Variants in SORCS2 observed in about 807,000 individuals in gnomAD.
The protein encoded by SORCS2 is sortilin related VPS10 domain containing receptor 2, also known as VPS10 domain-containing receptor SorCS2.
A neutral mutation model predicts 141.6 loss-of-function variants in SORCS2; 100 were observed. The ratio of observed to expected loss-of-function variants is 0.71; its 90% CI spans 0.60 to 0.83. The LOEUF (loss-of-function observed/expected upper bound fraction) is 0.83, where lower values mean the gene tolerates loss of function less well. Among genes scored for constraint, SORCS2 ranks in the 40% least tolerant of loss-of-function variants. SORCS2 has a pLI of 0.00. For synonymous variants in SORCS2, 789 were observed against 676.9 expected (o/e 1.17, Z -2.57); for missense variants, 1,646 against 1,560.2 (o/e 1.05, Z -0.93).
chr4:7,731,328 G>C (rs952980104), intron 23 of SORCS2, among the ~76,000 whole-genome samples: 1 of 152,094 alleles, frequency 6.6e-6, no homozygotes, highest in African/African-American at 2.4e-5. Context: ...GACACAAATC[G>C]ACGGAAAGAT....
intron 1 of SORCS2, among the ~76,000 whole-genome samples, chr4:7,330,835 C>A (rs538225732): frequency 6.6e-6 from 1 of 150,812 alleles, no homozygotes; most frequent in South Asian, 2.1e-4. Context: ...CTAGGCACAC[C>A]CCCAACACCT....
chr4:7,741,835 C>T lies in SORCS2; in HGVS notation c.*1571C>T, dbSNP rs1264089076. On this transcript the variant is annotated 3_prime_UTR_variant, in exon 27 of 27. Transcript: ENST00000507866. ...TGCCTCATTTCCCCTGGAAAAGAAA[C>T]ATGGTCCATTAGAGGGGAAAGCCCA... 3 of 145,858 alleles carry T rather than the reference C, an allele frequency of 2.1e-5. No individual in the cohort carries two copies. Among genetic ancestry groups the T allele is most frequent in the Non-Finnish European group, 4.5e-5 (3 of 66,592 alleles). 9.0% of individuals were successfully genotyped at this position (145,858 alleles called of 1,614,324 possible).
intron 2 of SORCS2, among the ~76,000 whole-genome samples, chr4:7,530,650 A>G (rs1711562821): frequency 1.3e-5 from 2 of 152,244 alleles, no homozygotes; most frequent in South Asian, 4.1e-4. Context: ...TGATGATAAG[A>G]GGTGTTGGTT....
intron 1 of SORCS2, among the ~76,000 whole-genome samples, chr4:7,391,290 C>A (rs1046880028): frequency 6.6e-6 from 1 of 152,242 alleles, no homozygotes. Context: ...TTCCTCTGAG[C>A]CAGCCCCCTT....
At chr4:7,335,179 G>A (rs1560200838) in intron 1 of SORCS2, among the ~76,000 whole-genome samples, 1 of 152,174 alleles carries the variant, frequency 6.6e-6, no homozygotes, top group South Asian at 2.1e-4. Flanking sequence ...GAGTATCCTC[G>A]TCCGGGGCAC....
At chr4:7,676,899 TCTCTCTCCCTCTCTCCCTCTCTCC>T (rs202167356) in intron 9 of SORCS2, among the ~76,000 whole-genome samples, 68 of 32,388 alleles carry the variant, frequency 2.1e-3, no homozygotes, top group Middle Eastern at 0.024. Context: ...GGCCTCTCTC[TCTCTCTCCCTCTCTCCCTCTCTCC>T]CTCTCTCCCT....
At chr4:7,626,370 A>G (rs965607276) in intron 3 of SORCS2, among the ~76,000 whole-genome samples, 2 of 152,218 alleles carry the variant, frequency 1.3e-5, no homozygotes, top group African/African-American at 4.8e-5. Flanking sequence ...TTGACTTAAC[A>G]AAAATGTATT....
chr4:7,356,133 A>G (rs1198858557), intron 1 of SORCS2, among the ~76,000 whole-genome samples: 2 of 152,250 alleles, frequency 1.3e-5, no homozygotes, highest in African/African-American at 2.4e-5. Context: ...ATCATCTGTC[A>G]GAGAGGCTCT....
intron 1 of SORCS2, among the ~76,000 whole-genome samples, chr4:7,241,376 C>A (rs927478405): frequency 3.9e-5 from 6 of 152,132 alleles, no homozygotes; most frequent in African/African-American, 1.4e-4. Context: ...GACATGGGCC[C>A]CGGTTGTTGT....
intron 2 of SORCS2, among the ~76,000 whole-genome samples, chr4:7,460,985 T>C (rs901000912): frequency 5.9e-5 from 9 of 152,082 alleles, no homozygotes; most frequent in Non-Finnish European, 1.0e-4. Flanking sequence ...TCCATCATCC[T>C]CGTGCTGCTC....
intron 1 of SORCS2, among the ~76,000 whole-genome samples, chr4:7,221,348 T>C (rs1728695431): frequency 6.6e-6 from 1 of 152,168 alleles, no homozygotes; most frequent in African/African-American, 2.4e-5. Flanking sequence ...CCAGTGTCTG[T>C]AGTTTGAATG....
chr4:7,539,741 C>CG (rs1293572387), intron 3 of SORCS2, among the ~76,000 whole-genome samples: 3 of 51,440 alleles, frequency 5.8e-5, no homozygotes, highest in Non-Finnish European at 1.5e-4. Flanking sequence ...CCTGCTGTGG[C>CG]GGCCCCACCC....
At chr4:7,231,353 A>G (rs564306326) in intron 1 of SORCS2, among the ~76,000 whole-genome samples, 14 of 152,364 alleles carry the variant, frequency 9.2e-5, no homozygotes, top group African/African-American at 2.9e-4. Context: ...TGATGTATAC[A>G]TTAATCTCAT....
At chr4:7,434,470 A>G in intron 2 of SORCS2, 3 of 1,611,450 alleles carry the variant, frequency 1.9e-6, no homozygotes, top group Non-Finnish European at 2.5e-6. Context: ...ACAGAGGCTG[A>G]GCGCTGTGCA....
intron 1 of SORCS2, among the ~76,000 whole-genome samples, chr4:7,202,268 T>C (rs905694408): frequency 1.3e-5 from 2 of 152,156 alleles, no homozygotes; most frequent in African/African-American, 4.8e-5. Context: ...CCAGAAGGCC[T>C]ATGGTGCTTG....
intron 2 of SORCS2, among the ~76,000 whole-genome samples, chr4:7,483,752 TG>T (rs1730801908): frequency 7.3e-6 from 1 of 136,728 alleles, no homozygotes; most frequent in African/African-American, 2.8e-5. Context: ...CTCCAGGGGG[TG>T]GGGGGCCAGG....
chr4:7,704,748 G>A (rs563132738), intron 14 of SORCS2, among the ~76,000 whole-genome samples: 3 of 152,338 alleles, frequency 2.0e-5, no homozygotes, highest in South Asian at 2.1e-4. Context: ...TCTGGCCCAG[G>A]AGCAGAGACG....
Position 7,192,666 on chromosome 4 carries a change from C to T in SORCS2, c.20C>T (p.Ser7Leu). 4.1e-6 allele frequency: 4 copies of T among 987,498 alleles called. No individual in the cohort carries two copies. Among genetic ancestry groups the T allele is most frequent in the Non-Finnish European group, 3.6e-6 (3 of 832,596 alleles). The allele number at this position is 987,498 out of a possible 1,614,324, so 61.2% of individuals were successfully genotyped here. ...GCGACCATGGCGCACCGGGGGCCCT[C>T]GCGCGCCTCGAAGGGCCCCGGCCCC... Reference protein sequence around the residue: MAHRGPSRASKGPGPTA... With the variant: MAHRGPLRASKGPGPTA... Residue 7 changes from serine (S) to leucine (L), a missense_variant, in exon 1 of 27, where the codon TCG (serine) becomes TTG (leucine). Ser to Leu is a moderately radical substitution (Grantham distance 145). Coordinates refer to ENST00000507866, the MANE Select transcript of SORCS2 (RefSeq NM_020777.3). This position sits in a 1 kb window ranked among gnomAD's most constrained non-coding sequence, Gnocchi z 4.0.
chr4:7,334,947 A>G (rs1719893482), intron 1 of SORCS2, among the ~76,000 whole-genome samples: 1 of 152,032 alleles, frequency 6.6e-6, no homozygotes, highest in African/African-American at 2.4e-5. Flanking sequence ...GCTGAGGATT[A>G]GGAGACGGGT....
Sources: gnomAD v4.1 joint callset for allele counts (sites outside exome capture counted in the v4.1 genomes callset) on GRCh38, gnomAD v4.1.1 for gene constraint, Gnocchi (gnomAD v3.1) non-coding constraint, MANE v1.5 for transcripts, NCBI Gene and HGNC (gene_info 2026-07-23, HGNC 2026-07-21) for gene names.